ACTR3: variants seen among roughly 807,000 people sequenced by gnomAD.
ACTR3 encodes the protein actin-related protein 3.
A neutral mutation model predicts 56.8 loss-of-function variants in ACTR3; 12 were observed. That is an observed-to-expected ratio of 0.21 (90% CI 0.14 to 0.34). ACTR3 has a LOEUF of 0.34. Ranked by LOEUF, ACTR3 falls within the 10% of genes least tolerant of loss-of-function variation. ACTR3 has a pLI of 1.00. For missense variants in ACTR3, 282 were observed against 512.5 expected (o/e 0.55, Z 4.34); for synonymous variants, 162 against 167.4 (o/e 0.97, Z 0.25).
rs2104604717 is a variant in ACTR3 at position 113,926,198 on chromosome 2, A to G, written c.226-1147A>G. On this transcript the variant is annotated intron_variant, in intron 3 of 11. Coordinates refer to ENST00000263238, the MANE Select transcript of ACTR3 (RefSeq NM_005721.5). ...TTTTATATCGATGTTATTTTATGTG[A>G]TAACTTGGTTTTTATGCCAGCAACT... is the stretch of plus-strand genomic sequence containing the variant. 2.0e-5 allele frequency among the ~76,000 whole-genome samples: 3 copies of G among 152,330 alleles called. No individual in the cohort carries two copies. In the East Asian group the frequency reaches 5.8e-4, roughly 29 times the overall value.
At chr2:113,950,318 G>A (rs1465180770) in intron 8 of ACTR3, among the ~76,000 whole-genome samples, 1 of 152,140 alleles carries the variant, frequency 6.6e-6, no homozygotes, top group Non-Finnish European at 1.5e-5. Context: ...ATGCTTGGGG[G>A]CCATTTTAAA....
In ACTR3 at chr2:113,911,006, G is replaced by A. The variant is rs146227730; in HGVS notation, c.45-2166G>A. 2.1e-3 allele frequency among the ~76,000 whole-genome samples: 320 copies of A among 152,284 alleles called. 2 individuals carry two copies. Among genetic ancestry groups the A allele is most frequent in the African/African-American group, 7.3e-3 (305 of 41,556 alleles). ...AGAGTGTTTTGGTTCAACAGTTTCAGACTGCTTTGTATTAAACAAGTTTTT... is the reference window on the plus strand; with the variant it reads ...AGAGTGTTTTGGTTCAACAGTTTCAAACTGCTTTGTATTAAACAAGTTTTT... On this transcript the variant is annotated intron_variant, in intron 1 of 11. Coordinates refer to ENST00000263238, the MANE Select transcript of ACTR3 (RefSeq NM_005721.5).
In ACTR3 at chr2:113,934,331, C is replaced by T. The variant is rs1297803698; in HGVS notation, c.485C>T (p.Thr162Met). Residue 162 changes from threonine to methionine, a missense_variant, in exon 6 of 12, where the codon ACG becomes ATG. Coordinates refer to ENST00000263238, the MANE Select transcript of ACTR3 (RefSeq NM_005721.5). Reference protein sequence around the residue: ...SWTSRQVGERTLTGTVIDSGD... With the variant: ...SWTSRQVGERMLTGTVIDSGD... Reference sequence around the variant, plus strand: ...ACCTCAAGACAAGTAGGAGAACGGACGTTGACCGGTACGGTAATAGACAGT... The same window carrying T: ...ACCTCAAGACAAGTAGGAGAACGGATGTTGACCGGTACGGTAATAGACAGT... The T allele has an allele frequency of 2.5e-6, 4 of 1,608,704 alleles. No individual in the cohort carries two copies. The highest frequency in any genetic ancestry group is 2.5e-6 in the Non-Finnish European group (3 of 1,178,448).
chr2:113,946,733 G>T (rs74680449), intron 8 of ACTR3, among the ~76,000 whole-genome samples: 1,881 of 152,072 alleles, frequency 0.012, 38 homozygotes, highest in African/African-American at 0.043. Flanking sequence ...TTTTGCTTTT[G>T]CCATCTTCAT....
chr2:113,915,252 C>T (rs752145383), intron 2 of ACTR3, among the ~76,000 whole-genome samples: 2 of 152,204 alleles, frequency 1.3e-5, no homozygotes, highest in Admixed American at 6.5e-5. Flanking sequence ...GGGTCATGCT[C>T]TTGCTGGTGT....
chr2:113,921,776 T>C (rs1336591814), intron 3 of ACTR3, among the ~76,000 whole-genome samples: 2 of 152,134 alleles, frequency 1.3e-5, no homozygotes, highest in Non-Finnish European at 2.9e-5. Flanking sequence ...GAGATTTTGT[T>C]AGAGTCAAAT....
chr2:113,907,800 C>T (rs948280857), intron 1 of ACTR3, among the ~76,000 whole-genome samples: 1 of 151,756 alleles, frequency 6.6e-6, no homozygotes, highest in Non-Finnish European at 1.5e-5. Context: ...TGGAGAAACC[C>T]TGTCTCTACT....
At chr2:113,902,843 C>T (rs1445497783) in intron 1 of ACTR3, among the ~76,000 whole-genome samples, 1 of 152,162 alleles carries the variant, frequency 6.6e-6, no homozygotes, top group East Asian at 1.9e-4. Context: ...CAGGTGATCG[C>T]CCGCCTGGGC....
At chr2:113,951,250 T>C in intron 8 of ACTR3, 1 of 360,566 alleles carries the variant, frequency 2.8e-6, no homozygotes. Flanking sequence ...GCTCATAGTA[T>C]ATGTATGACT....
intron 1 of ACTR3, among the ~76,000 whole-genome samples, chr2:113,906,465 A>C (rs1376700639): frequency 2.0e-5 from 3 of 151,974 alleles, no homozygotes; most frequent in African/African-American, 7.3e-5. Flanking sequence ...ACAAGTTTTT[A>C]ATTTTGATGA....
chr2:113,942,579 T>C (rs1679943102), intron 8 of ACTR3, among the ~76,000 whole-genome samples: 1 of 152,086 alleles, frequency 6.6e-6, no homozygotes, highest in Non-Finnish European at 1.5e-5. Flanking sequence ...GAAAAAACTT[T>C]TTAAAAAATA....
intron 4 of ACTR3, among the ~76,000 whole-genome samples, chr2:113,931,014 T>C (rs1409871025): frequency 1.3e-5 from 2 of 152,112 alleles, no homozygotes; most frequent in African/African-American, 4.8e-5. Flanking sequence ...CAACCCTCTC[T>C]CTCCCTGCTT....
intron 5 of ACTR3, among the ~76,000 whole-genome samples, chr2:113,933,504 T>C (rs1349418282): frequency 6.7e-6 from 1 of 150,028 alleles, no homozygotes; most frequent in African/African-American, 2.5e-5. Flanking sequence ...AGAAACTCTG[T>C]CTCAAAGAAA....
chr2:113,951,699 T>C (rs372509161), intron 9 of ACTR3, 21 bp from the exon 10 acceptor site: 67 of 1,537,594 alleles, frequency 4.4e-5, no homozygotes, highest in South Asian at 6.2e-5. Flanking sequence ...TTAAATATTA[T>C]ATTTATTTTC....
At chr2:113,912,153 G>C (rs1430521534) in intron 1 of ACTR3, among the ~76,000 whole-genome samples, 1 of 151,938 alleles carries the variant, frequency 6.6e-6, no homozygotes, top group African/African-American at 2.4e-5. Flanking sequence ...TAGTGTTACA[G>C]GTGTGAGCCA....
chr2:113,915,929 A>G (rs1315504377), intron 2 of ACTR3, among the ~76,000 whole-genome samples: 1 of 152,190 alleles, frequency 6.6e-6, no homozygotes, highest in African/African-American at 2.4e-5. Flanking sequence ...ACTAATGAGT[A>G]TTGATATTTG....
chr2:113,921,798 G>A (rs1679516713), intron 3 of ACTR3, among the ~76,000 whole-genome samples: 1 of 152,150 alleles, frequency 6.6e-6, no homozygotes, highest in Non-Finnish European at 1.5e-5. Context: ...TGTGGATTTT[G>A]GAGGTAAGAA....
rs540458525 is a variant in ACTR3 at position 113,893,830 on chromosome 2, T to C, written c.44+3507T>C. ...CCCTATGGTCAAAGTCTTGGATATA[T>C]TCATATCTGGAGCAGATTAAGGAAT... On this transcript the variant is annotated intron_variant, in intron 1 of 11. Coordinates refer to ENST00000263238, the MANE Select transcript of ACTR3 (RefSeq NM_005721.5). Among the ~76,000 whole-genome samples, 8 of 152,324 alleles carry C rather than the reference T, an allele frequency of 5.3e-5. No homozygotes were observed. The South Asian group carries it at 1.7e-3, about 32-fold the overall frequency.
At chr2:113,927,055 T>A (rs935803502) in intron 3 of ACTR3, among the ~76,000 whole-genome samples, 1 of 152,202 alleles carries the variant, frequency 6.6e-6, no homozygotes, top group Non-Finnish European at 1.5e-5. Context: ...TACAAAACTT[T>A]TAAAATCTAG....
Sources: gnomAD v4.1 joint callset for allele counts (sites outside exome capture counted in the v4.1 genomes callset) on GRCh38, gnomAD v4.1.1 for gene constraint, MANE v1.5 for transcripts, NCBI Gene and HGNC (gene_info 2026-07-23, HGNC 2026-07-21) for gene names.